PLEKHA5: variants seen among roughly 807,000 people sequenced by gnomAD.
The protein encoded by PLEKHA5 is pleckstrin homology domain-containing family A member 5.
PLEKHA5 carries 55 observed loss-of-function variants against 181.9 expected under a neutral mutation model. That is an observed-to-expected ratio of 0.30 (90% CI 0.24 to 0.38). The LOEUF is 0.38. Ranked by LOEUF, PLEKHA5 falls within the 10% of genes least tolerant of loss-of-function variation. The pLI is 1.00. For missense variants in PLEKHA5, 1,432 were observed against 1,549.5 expected (o/e 0.92, Z 1.27); for synonymous variants, 535 against 529.4 (o/e 1.01, Z -0.15).
intron 3 of PLEKHA5, among the ~76,000 whole-genome samples, chr12:19,210,670 A>C (rs1042586147): frequency 9.2e-5 from 14 of 152,244 alleles, no homozygotes; most frequent in African/African-American, 2.9e-4. Context: ...ATATATCAGA[A>C]ACATATTTTC....
At chr12:19,265,552 T>C (rs909681466) in intron 7 of PLEKHA5, among the ~76,000 whole-genome samples, 198 bp from the exon 8 acceptor site, 1 of 152,208 alleles carries the variant, frequency 6.6e-6, no homozygotes, top group Non-Finnish European at 1.5e-5. Context: ...AGGGGCTTTG[T>C]AGAATGCAGT....
chr12:19,189,621 C>T (rs1206508885), intron 3 of PLEKHA5, among the ~76,000 whole-genome samples: 1 of 152,022 alleles, frequency 6.6e-6, no homozygotes, highest in Non-Finnish European at 1.5e-5. Flanking sequence ...TGTGGGAAAG[C>T]CAATGGAAAT....
intron 28 of PLEKHA5, among the ~76,000 whole-genome samples, chr12:19,361,176 TA>T (rs1329978439): frequency 6.6e-6 from 1 of 152,116 alleles, no homozygotes; most frequent in African/African-American, 2.4e-5. Context: ...ATTGTTTATT[TA>T]TTTTTTTGTT....
rs1050681521 is a variant in PLEKHA5 at position 19,356,219 on chromosome 12, T to A, written c.3139-2009T>A. 2.6e-5 allele frequency among the ~76,000 whole-genome samples: 4 copies of A among 151,082 alleles called. No individual in the cohort carries two copies. The Admixed American group carries it at 2.6e-4, about 10-fold the overall frequency. On this transcript the variant is annotated intron_variant, in intron 26 of 31. Transcript: ENST00000429027. The stretch of plus-strand genomic sequence containing the variant: ...ACAAATATAAAATCAAGCAGAAAGA[T>A]ACTAGCAGGTTTAGGCCAGGCATAG...
At chr12:19,351,907 C>T (rs2094611398) in intron 25 of PLEKHA5, among the ~76,000 whole-genome samples, 1 of 151,782 alleles carries the variant, frequency 6.6e-6, no homozygotes, top group South Asian at 2.1e-4. Context: ...AACCCTGTCT[C>T]TACTAAAAAT....
At chr12:19,184,390 C>T (rs906522350) in intron 3 of PLEKHA5, among the ~76,000 whole-genome samples, 1 of 152,100 alleles carries the variant, frequency 6.6e-6, no homozygotes, top group African/African-American at 2.4e-5. Context: ...TTGCTGGGGA[C>T]TTTTTATGTA....
chr12:19,167,485 G>C (rs948304103), intron 3 of PLEKHA5, among the ~76,000 whole-genome samples: 8 of 129,436 alleles, frequency 6.2e-5, no homozygotes, highest in Non-Finnish European at 1.2e-4. Flanking sequence ...GTGTGTGCGT[G>C]ATTCTTAGTT....
intron 3 of PLEKHA5, among the ~76,000 whole-genome samples, chr12:19,250,605 A>T (rs1013500155): frequency 1.1e-4 from 17 of 151,654 alleles, no homozygotes; most frequent in African/African-American, 2.9e-4. Flanking sequence ...ATAATAAAAT[A>T]AAAAAAAATA....
chr12:19,314,958 G>A lies in PLEKHA5; in HGVS notation c.2118+64G>A, dbSNP rs191134425. The A allele has an allele frequency of 2.8e-3, 2,361 of 844,106 alleles. 10 individuals are homozygous for A. Among genetic ancestry groups the A allele is most frequent in the Non-Finnish European group, 3.5e-3 (1,736 of 502,094 alleles). The allele number at this position is 844,106 out of a possible 1,614,324, so 52.3% of individuals were successfully genotyped here. A position where few individuals can be genotyped will look rare whatever the true frequency, so the allele number is the denominator to read the frequency against. ...TGCAAAATCCCTCAGTGACAGTTTT[G>A]ATTTATTCTCAGATTTACTCATGAC... On this transcript the variant is annotated intron_variant, in intron 16 of 31. Transcript: ENST00000429027.
intron 3 of PLEKHA5, among the ~76,000 whole-genome samples, chr12:19,140,695 C>T (rs1409721038): frequency 6.6e-6 from 1 of 152,204 alleles, no homozygotes; most frequent in African/African-American, 2.4e-5. Flanking sequence ...ATCTGAACAT[C>T]CCAGGGCATT....
intron 20 of PLEKHA5, among the ~76,000 whole-genome samples, chr12:19,327,974 C>A (rs1269779294): frequency 6.6e-6 from 1 of 152,132 alleles, no homozygotes; most frequent in African/African-American, 2.4e-5. Flanking sequence ...AGGCCTGACA[C>A]TTAAATCTTT....
intron 3 of PLEKHA5, among the ~76,000 whole-genome samples, chr12:19,193,279 C>T (rs553588225): frequency 6.6e-6 from 1 of 152,292 alleles, no homozygotes; most frequent in African/African-American, 2.4e-5. Flanking sequence ...AATGATGCTT[C>T]ATTAGGTAAG....
intron 29 of PLEKHA5, among the ~76,000 whole-genome samples, chr12:19,363,342 T>TG (rs1565667880): frequency 2.6e-5 from 4 of 151,526 alleles, no homozygotes; most frequent in Non-Finnish European, 5.9e-5. Context: ...ATTTTTTTTT[T>TG]TATTTTTAGT....
chr12:19,314,484 C>T (rs899335795), intron 15 of PLEKHA5, among the ~76,000 whole-genome samples: 12 of 151,960 alleles, frequency 7.9e-5, no homozygotes, highest in African/African-American at 2.9e-4. Flanking sequence ...GGTTCTCACC[C>T]TTTAGTTTAC....
intron 20 of PLEKHA5, among the ~76,000 whole-genome samples, chr12:19,326,713 C>T (rs938342898): frequency 3.3e-5 from 5 of 152,144 alleles, no homozygotes; most frequent in Admixed American, 6.6e-5. Context: ...CAACCTTTAT[C>T]TTCCATTCTT....
chr12:19,234,592 C>T (rs1455766131), intron 3 of PLEKHA5, among the ~76,000 whole-genome samples: 2 of 152,300 alleles, frequency 1.3e-5, no homozygotes, highest in Non-Finnish European at 2.9e-5. Context: ...TGTTTTTCTC[C>T]TGGCAGCCAT....
chr12:19,147,529 A>C (rs576392921), intron 3 of PLEKHA5, among the ~76,000 whole-genome samples: 1 of 152,238 alleles, frequency 6.6e-6, no homozygotes. Flanking sequence ...AGGAGTGACT[A>C]TGAAAAGACA....
chr12:19,199,218 T>C (rs150090186), intron 3 of PLEKHA5, among the ~76,000 whole-genome samples: 16 of 152,304 alleles, frequency 1.1e-4, no homozygotes, highest in Non-Finnish European at 1.9e-4. Flanking sequence ...AAATATAAGC[T>C]CCTGATTTGG....
intron 25 of PLEKHA5, among the ~76,000 whole-genome samples, chr12:19,350,064 A>T (rs1318484217): frequency 6.6e-6 from 1 of 152,210 alleles, no homozygotes; most frequent in Non-Finnish European, 1.5e-5. Flanking sequence ...GTGAGCCAAG[A>T]TCGTGCCACT....
Sources: allele counts gnomAD v4.1 joint callset (sites outside exome capture counted in the v4.1 genomes callset), GRCh38; gene constraint gnomAD v4.1.1; transcripts MANE v1.5; gene names NCBI Gene and HGNC (gene_info 2026-07-23, HGNC 2026-07-21).